RIMS1: variants seen among roughly 807,000 people sequenced by gnomAD.
RIMS1 encodes regulating synaptic membrane exocytosis 1, also known as regulating synaptic membrane exocytosis protein 1.
A neutral mutation model predicts 214.1 loss-of-function variants in RIMS1; 83 were observed. The observed-to-expected ratio is 0.39, with a 90% CI of 0.32 to 0.47. The LOEUF (loss-of-function observed/expected upper bound fraction) is 0.47, where lower values mean the gene tolerates loss of function less well. RIMS1 is among the 20% of genes least tolerant of loss of function. The pLI, the probability that RIMS1 is intolerant of heterozygous loss-of-function variation, is 0.99. For synonymous variants in RIMS1, 793 were observed against 786.8 expected, an observed-to-expected ratio of 1.01 and a Z score of -0.13; for missense variants, 2,050 against 2,161.8, an observed-to-expected ratio of 0.95 and a Z score of 1.03.
At chr6:72,396,965 A>G (rs1223576428) in intron 31 of RIMS1, among the ~76,000 whole-genome samples, 1 of 152,214 alleles carries the variant, frequency 6.6e-6, no homozygotes, top group Non-Finnish European at 1.5e-5. Context: ...GTGAGCCAAG[A>G]TCACACCACT....
chr6:72,259,565 T>C (rs2077126124), intron 18 of RIMS1, among the ~76,000 whole-genome samples: 1 of 152,162 alleles, frequency 6.6e-6, no homozygotes, highest in African/African-American at 2.4e-5. Context: ...AATAATAATG[T>C]TTCTGTTATA....
intron 23 of RIMS1, among the ~76,000 whole-genome samples, chr6:72,275,651 G>A (rs1462780455): frequency 1.3e-5 from 2 of 152,054 alleles, no homozygotes; most frequent in Non-Finnish European, 2.9e-5. Context: ...TTCTGCTACT[G>A]TCTGATTTCT....
At chr6:72,206,110 T>C (rs974668575) in intron 6 of RIMS1, among the ~76,000 whole-genome samples, 5 of 152,178 alleles carry the variant, frequency 3.3e-5, no homozygotes, top group African/African-American at 4.8e-5. Flanking sequence ...GTATTTGTAT[T>C]TGCTCAGGTT....
intron 19 of RIMS1, among the ~76,000 whole-genome samples, chr6:72,264,399 C>T (rs2079467829): frequency 6.6e-6 from 1 of 152,046 alleles, no homozygotes; most frequent in African/African-American, 2.4e-5. Context: ...AGGAAAATTT[C>T]CTGTGGTTGG....
At chr6:72,222,837 C>A (rs2154051465) in intron 6 of RIMS1, among the ~76,000 whole-genome samples, 1 of 152,192 alleles carries the variant, frequency 6.6e-6, no homozygotes, top group East Asian at 1.9e-4. Context: ...CAATGTTTTG[C>A]CCTTTAATCC....
At chr6:72,259,364 G>C (rs1183764349) in intron 18 of RIMS1, among the ~76,000 whole-genome samples, 1 of 152,062 alleles carries the variant, frequency 6.6e-6, no homozygotes, top group Non-Finnish European at 1.5e-5. Flanking sequence ...TAAAGGTACA[G>C]CTTGTTGACT....
intron 10 of RIMS1, among the ~76,000 whole-genome samples, chr6:72,243,308 A>T (rs2067820258): frequency 1.3e-5 from 2 of 151,772 alleles, no homozygotes; most frequent in South Asian, 4.1e-4. Context: ...ATACAAGAAG[A>T]TATAATTATC....
chr6:72,074,275 A>G (rs1460316164), intron 2 of RIMS1, among the ~76,000 whole-genome samples: 1 of 152,214 alleles, frequency 6.6e-6, no homozygotes, highest in East Asian at 1.9e-4. Context: ...CATAGCTGGT[A>G]TTCATAGTTA....
At chr6:72,216,357 T>C (rs756739548) in intron 6 of RIMS1, 43 of 649,096 alleles carry the variant, frequency 6.6e-5, no homozygotes, top group Non-Finnish European at 8.2e-5. Context: ...CCTTCTCCTG[T>C]CCCCAGCTCT....
intron 4 of RIMS1, among the ~76,000 whole-genome samples, chr6:72,154,930 A>T (rs55746965): frequency 0.068 from 9,572 of 140,030 alleles, 2,020 homozygotes; most frequent in Middle Eastern, 0.12. Context: ...AATGGTTGAG[A>T]GAGGCTGGGA....
At chr6:72,173,183 T>C (rs1329766636) in intron 4 of RIMS1, among the ~76,000 whole-genome samples, 1 of 152,224 alleles carries the variant, frequency 6.6e-6, no homozygotes, top group Non-Finnish European at 1.5e-5. Context: ...CATCCAGTAT[T>C]GCTGATGGGA....
chr6:72,093,674 A>G (rs767237851), intron 2 of RIMS1, among the ~76,000 whole-genome samples: 2 of 151,738 alleles, frequency 1.3e-5, no homozygotes, highest in East Asian at 1.9e-4. Context: ...TTTTTTTACC[A>G]TGTCATACTG....
At chr6:72,226,663 A>G (rs183860106) in intron 6 of RIMS1, among the ~76,000 whole-genome samples, 37 of 152,188 alleles carry the variant, frequency 2.4e-4, no homozygotes, top group African/African-American at 7.9e-4. Context: ...GTATAATACA[A>G]GCTGTCTTCA....
chr6:72,071,087 T>C (rs1187837979), intron 2 of RIMS1, among the ~76,000 whole-genome samples: 6 of 152,184 alleles, frequency 3.9e-5, no homozygotes, highest in Non-Finnish European at 8.8e-5. Flanking sequence ...TACATTACAC[T>C]TCACAAGATA....
rs1278339629 is a variant in RIMS1 at position 72,160,432 on chromosome 6, T to C, written c.472-19143T>C. ...CTTCCAACACTATGTTGAATAGGAG[T>C]GGTGAGAGAGGACATCCCTGTCTTG... On this transcript the variant is annotated intron_variant, in intron 4 of 33. Coordinates refer to ENST00000521978, the MANE Select transcript of RIMS1 (RefSeq NM_014989.7). Among the ~76,000 whole-genome samples the C allele has an allele frequency of 2.2e-5, 3 of 138,896 alleles. 1 individual carries two copies. Among genetic ancestry groups the C allele is most frequent in the East Asian group, 2.1e-4 (1 of 4,860 alleles). The allele number at this position is 138,896 out of a possible 152,430, so 91.1% of individuals were successfully genotyped here.
In RIMS1 at chr6:72,390,585, T is replaced by C; in HGVS notation, c.4367-13T>C. 2 of 1,607,258 alleles carry C rather than the reference T, an allele frequency of 1.2e-6. No individual in the cohort carries two copies. Among genetic ancestry groups the C allele is most frequent in the Non-Finnish European group, 1.7e-6 (2 of 1,176,338 alleles). ...AAATAAAACTTAGAGTTTCTTTTAC[T>C]CTCTCCTGTCAGAGTCGGGCCACAA... On this transcript the variant is annotated splice_polypyrimidine_tract_variant and intron_variant, in intron 29 of 33. Coordinates refer to ENST00000521978, the MANE Select transcript of RIMS1 (RefSeq NM_014989.7).
chr6:72,255,231 T>C (rs1177968566), intron 16 of RIMS1, among the ~76,000 whole-genome samples: 1 of 152,184 alleles, frequency 6.6e-6, no homozygotes, highest in Non-Finnish European at 1.5e-5. Context: ...GCACAGTGCA[T>C]TCTTATGTAC....
chr6:72,386,821 C>T (rs553355823), intron 29 of RIMS1, among the ~76,000 whole-genome samples: 1 of 151,040 alleles, frequency 6.6e-6, no homozygotes, highest in Non-Finnish European at 1.5e-5. Context: ...GCAAGCTCCG[C>T]CTTCCAGCTT....
chr6:72,222,004 T>C (rs1190751789), intron 6 of RIMS1, among the ~76,000 whole-genome samples: 1 of 152,064 alleles, frequency 6.6e-6, no homozygotes, highest in South Asian at 2.1e-4. Flanking sequence ...ACATATTTAC[T>C]GTCTTTGTGA....
Sources: allele counts gnomAD v4.1 joint callset (sites outside exome capture counted in the v4.1 genomes callset), GRCh38; gene constraint gnomAD v4.1.1; transcripts MANE v1.5; gene names NCBI Gene and HGNC (gene_info 2026-07-23, HGNC 2026-07-21).